The following ANO5 variants were observed in gnomAD, a reference collection of about 807,000 sequenced individuals.
ANO5 encodes anoctamin-5.
A neutral mutation model predicts 121.0 loss-of-function variants in ANO5; 109 were observed. The observed-to-expected ratio is 0.90, with a 90% CI of 0.77 to 1.06. The LOEUF (loss-of-function observed/expected upper bound fraction) is 1.06, where lower values mean the gene tolerates loss of function less well. ANO5 is among the 50% of genes least tolerant of loss of function. ANO5 has a pLI of 0.00. For synonymous variants in ANO5, 406 were observed against 359.9 expected (o/e 1.13, Z -1.45); for missense variants, 1,064 against 1,078.5 (o/e 0.99, Z 0.19).
At chr11:22,213,502 G>A (rs78962364) in intron 3 of ANO5, among the ~76,000 whole-genome samples, 7,246 of 151,656 alleles carry the variant, frequency 0.048, 556 homozygotes, top group African/African-American at 0.16. Context: ...TAGAAGTGTC[G>A]TTATCTTCAT....
chr11:22,271,213 G>A (rs1447408631), intron 18 of ANO5, among the ~76,000 whole-genome samples: 3 of 152,086 alleles, frequency 2.0e-5, no homozygotes, highest in South Asian at 2.1e-4. Flanking sequence ...GTGCCATCAC[G>A]CCCGGCTAAT....
rs536801206 is a variant in ANO5 at position 22,261,434 on chromosome 11, G to C, written c.1631-695G>C. 4 of 152,716 alleles carry C rather than the reference G, an allele frequency of 2.6e-5. No homozygotes were observed. The East Asian group carries it at 7.7e-4, about 30-fold the overall frequency. The allele number at this position is 152,716 out of a possible 1,614,324, so 9.5% of individuals were successfully genotyped here. A position where few individuals can be genotyped will look rare whatever the true frequency, so the allele number is the denominator to read the frequency against. On this transcript the variant is annotated intron_variant, in intron 15 of 21. Coordinates refer to ENST00000324559, the MANE Select transcript of ANO5 (RefSeq NM_213599.3). Reference sequence around the variant, plus strand: ...AATCCCAGCACTTTAGGAGACAGAGGCAGGTGGATCACGAGGTCAGGAGTT... The same window carrying C: ...AATCCCAGCACTTTAGGAGACAGAGCCAGGTGGATCACGAGGTCAGGAGTT...
At chr11:22,263,167 CT>C in intron 17 of ANO5, 124 bp downstream of exon 17, 1 of 762,420 alleles carries the variant, frequency 1.3e-6, no homozygotes, top group South Asian at 1.6e-5. Context: ...CAAAAGAAAG[CT>C]TTATTTTTAA....
At chr11:22,242,709 T>TA (rs1853472979) in intron 9 of ANO5, among the ~76,000 whole-genome samples, 1 of 152,094 alleles carries the variant, frequency 6.6e-6, no homozygotes, top group South Asian at 2.1e-4. Flanking sequence ...TATTGCCATA[T>TA]AGAAAGCTAC....
At chr11:22,205,207 G>A (rs1852079065) in intron 2 of ANO5, among the ~76,000 whole-genome samples, 1 of 152,062 alleles carries the variant, frequency 6.6e-6, no homozygotes, top group Non-Finnish European at 1.5e-5. Context: ...AGGATGGAGG[G>A]TGGGAGGAGG....
chr11:22,230,107 T>G (rs989114924), intron 7 of ANO5, among the ~76,000 whole-genome samples: 3 of 152,004 alleles, frequency 2.0e-5, no homozygotes, highest in Non-Finnish European at 4.4e-5. Flanking sequence ...GATGAATATA[T>G]ATGATTATGT....
intron 1 of ANO5, among the ~76,000 whole-genome samples, chr11:22,194,371 T>C (rs1159288801): frequency 2.0e-5 from 3 of 152,226 alleles, no homozygotes; most frequent in Admixed American, 2.0e-4. Context: ...ATCTGATCAT[T>C]ACTATTCAGT....
In ANO5 at chr11:22,274,605, C is replaced by T. The variant is rs137854529; in HGVS notation, c.2272C>T (p.Arg758Cys). Residue 758 changes from arginine (R) to cysteine (C), a missense_variant, in exon 20 of 22, where the codon CGT (arginine) becomes TGT (cysteine). Transcript: ENST00000324559. ...TGCATTTACGTCAGACATCATTCCC[C>T]GTCTAGTTTACTACTATGCTTACTC... ...IVAFTSDIIP[R>C]LVYYYAYSTN... 513 of 1,607,516 alleles carry T rather than the reference C, an allele frequency of 3.2e-4. 1 individual carries two copies. Among genetic ancestry groups the T allele is most frequent in the Non-Finnish European group, 1.2e-4 (139 of 1,175,036 alleles).
chr11:22,275,529 T>A (rs1053848959), intron 20 of ANO5, among the ~76,000 whole-genome samples: 5 of 151,882 alleles, frequency 3.3e-5, no homozygotes, highest in Admixed American at 6.6e-5. Flanking sequence ...TTAGCTGGAC[T>A]AAATATTTGA....
Position 22,282,690 on chromosome 11 carries a change from A to T in ANO5, c.*2925A>T, listed in dbSNP as rs920429179. 1 of 152,190 alleles carries T rather than the reference A, an allele frequency of 6.6e-6. No homozygotes were observed. The highest frequency in any genetic ancestry group is 2.4e-5 in the African/African-American group (1 of 41,452). The allele number at this position is 152,190 out of a possible 1,614,324, so 9.4% of individuals were successfully genotyped here. A position where few individuals can be genotyped will look rare whatever the true frequency, so the allele number is the denominator to read the frequency against. Reference sequence around the variant, plus strand: ...GAGAGAAAAGCTAAAGAAAATTTCAATGTGACCACTATTATGTGTCAAAAT... The same window carrying T: ...GAGAGAAAAGCTAAAGAAAATTTCATTGTGACCACTATTATGTGTCAAAAT... On this transcript the variant is annotated 3_prime_UTR_variant, in exon 22 of 22. Coordinates refer to ENST00000324559, the MANE Select transcript of ANO5 (RefSeq NM_213599.3).
chr11:22,218,980 T>C lies in ANO5; in HGVS notation c.180+693T>C, dbSNP rs1052526446. Among the ~76,000 whole-genome samples, 3 of 152,024 alleles carry C rather than the reference T, an allele frequency of 2.0e-5. No individual in the cohort carries two copies. The South Asian group carries it at 6.2e-4, about 31-fold the overall frequency. ...CAAATCAAATATAAACATAAACAAA[T>C]GCACACACATGCTACAAAATATATT... On this transcript the variant is annotated intron_variant, in intron 4 of 21. Coordinates refer to ENST00000324559, the MANE Select transcript of ANO5 (RefSeq NM_213599.3).
intron 1 of ANO5, among the ~76,000 whole-genome samples, chr11:22,196,759 C>T (rs1317960491): frequency 6.6e-6 from 1 of 152,144 alleles, no homozygotes. Context: ...GTCCCAGCTA[C>T]TCGGGAGACT....
chr11:22,211,101 C>T (rs946803544), intron 2 of ANO5, among the ~76,000 whole-genome samples, 163 bp from the exon 3 acceptor site: 1 of 151,958 alleles, frequency 6.6e-6, no homozygotes. Context: ...CACACATGCA[C>T]ATGCATACAC....
At chr11:22,203,764 G>A in intron 1 of ANO5, 40 bp from the exon 2 acceptor site, 1 of 1,251,996 alleles carries the variant, frequency 8.0e-7, no homozygotes, top group Non-Finnish European at 1.2e-6. Flanking sequence ...TCTGATCAGT[G>A]GCTAATTTAA....
rs2133663694 is a variant in ANO5, at chr11:22,239,630, A to G, written c.824A>G (p.Gln275Arg). ...ACCAATGAAAGATACACACTTCACC[A>G]GAATTGGGCTCGATTTTCCTATTTC... ...NPTNERYTLH[Q>R]NWARFSYFYK... Residue 275 changes from glutamine to arginine, a missense_variant, in exon 9 of 22, where the codon CAG becomes CGG. Coordinates refer to ENST00000324559, the MANE Select transcript of ANO5 (RefSeq NM_213599.3). The G allele has an allele frequency of 3.7e-6, 6 of 1,613,048 alleles. No individual in the cohort carries two copies. Among genetic ancestry groups the G allele is most frequent in the Non-Finnish European group, 4.2e-6 (5 of 1,179,234 alleles).
rs1369755814 is a variant in ANO5, at chr11:22,220,599, A to G, written c.181-498A>G. Among the ~76,000 whole-genome samples, 4 of 152,086 alleles carry G rather than the reference A, an allele frequency of 2.6e-5. No individual in the cohort carries two copies. The South Asian group carries it at 6.2e-4, about 24-fold the overall frequency. ...TACCTGCTTTATAATATTTAACTGCACCTTGATTTTATTTTAATCCTTACA... is the reference window on the plus strand; with the variant it reads ...TACCTGCTTTATAATATTTAACTGCGCCTTGATTTTATTTTAATCCTTACA... On this transcript the variant is annotated intron_variant, in intron 4 of 21. Coordinates refer to ENST00000324559, the MANE Select transcript of ANO5 (RefSeq NM_213599.3).
chr11:22,278,811 T>C (rs1854966054), intron 21 of ANO5, among the ~76,000 whole-genome samples: 1 of 151,738 alleles, frequency 6.6e-6, no homozygotes, highest in Admixed American at 6.6e-5. Flanking sequence ...TGGCTACCTA[T>C]TTTCTAAGAC....
intron 1 of ANO5, among the ~76,000 whole-genome samples, chr11:22,202,321 T>C (rs1489054199): frequency 6.6e-6 from 1 of 152,106 alleles, no homozygotes; most frequent in Non-Finnish European, 1.5e-5. Flanking sequence ...AATGGTTGAA[T>C]TTCTGTCAAG....
chr11:22,209,814 T>G (rs1852223356), intron 2 of ANO5, among the ~76,000 whole-genome samples: 1 of 151,942 alleles, frequency 6.6e-6, no homozygotes, highest in Non-Finnish European at 1.5e-5. Context: ...AAGGAGAGAT[T>G]GTAAAATGAC....
Sources: allele counts gnomAD v4.1 joint callset (sites outside exome capture counted in the v4.1 genomes callset), GRCh38; gene constraint gnomAD v4.1.1; transcripts MANE v1.5; gene names NCBI Gene and HGNC (gene_info 2026-07-23, HGNC 2026-07-21).